The following LGSN variants were observed in gnomAD, a reference collection of about 807,000 sequenced individuals.
LGSN encodes the protein lengsin, lens protein with glutamine synthetase domain.
LGSN carries 21 observed loss-of-function variants against 19.5 expected under a neutral mutation model. That is an observed-to-expected ratio of 1.07 (90% CI 0.76 to 1.55). LGSN has a LOEUF of 1.55. Among genes scored for constraint, LGSN ranks in the 40% most tolerant of loss-of-function variants. LGSN has a pLI of 0.00. For missense variants in LGSN, 673 were observed against 608.5 expected (o/e 1.11, Z -1.12); for synonymous variants, 257 against 215.6 (o/e 1.19, Z -1.68).
At chr6:63,537,852 C>A in the LGSN span, among the ~76,000 whole-genome samples, 1 of 152,122 alleles carries the variant, frequency 6.6e-6, no homozygotes, top group African/African-American at 2.4e-5. Flanking sequence ...AAGAATCTGG[C>A]GAAAGGGCCA....
the LGSN span, among the ~76,000 whole-genome samples, chr6:63,349,283 G>A: frequency 3.0e-3 from 452 of 152,286 alleles, 3 homozygotes; most frequent in African/African-American, 0.01. Context: ...AATGTAAATT[G>A]TGAGAGTATT....
At chr6:63,412,517 A>AGAAAGAAG in the LGSN span, among the ~76,000 whole-genome samples, 1,154 of 100,776 alleles carry the variant, frequency 0.011, 3 homozygotes, top group East Asian at 0.024. Context: ...AAAGAAAGAA[A>AGAAAGAAG]GAAAGAAAGA....
the LGSN span, among the ~76,000 whole-genome samples, chr6:63,552,794 C>G: frequency 2.6e-5 from 4 of 152,132 alleles, no homozygotes; most frequent in African/African-American, 9.7e-5. Flanking sequence ...AATAGGGAAA[C>G]CTTTCCCCAT....
At chr6:63,512,370 A>G in the LGSN span, among the ~76,000 whole-genome samples, 1 of 152,228 alleles carries the variant, frequency 6.6e-6, no homozygotes, top group Non-Finnish European at 1.5e-5. Flanking sequence ...GGCATGAGCC[A>G]TGGAGCCAGC....
chr6:63,453,720 C>T, the LGSN span, among the ~76,000 whole-genome samples: 1 of 152,050 alleles, frequency 6.6e-6, no homozygotes, highest in Non-Finnish European at 1.5e-5. Context: ...GTGGCGGGAT[C>T]TCGGCTCACT....
the LGSN span, among the ~76,000 whole-genome samples, chr6:63,346,789 A>G: frequency 6.6e-6 from 1 of 152,062 alleles, no homozygotes; most frequent in Non-Finnish European, 1.5e-5. Context: ...GGAACTTTCG[A>G]GCTCACCCCA....
the LGSN span, chr6:63,550,627 G>GT: frequency 6.6e-6 from 1 of 152,390 alleles, no homozygotes; most frequent in Non-Finnish European, 1.5e-5. Flanking sequence ...TTGGTTGGTT[G>GT]GTTGGTTTTT....
chr6:63,501,362 CAA>C, the LGSN span, among the ~76,000 whole-genome samples: 197 of 133,888 alleles, frequency 1.5e-3, 1 homozygote, highest in African/African-American at 4.7e-3. Context: ...AACTTCGTCT[CAA>C]AAAAAAAAAA....
At chr6:63,327,438 G>A in the LGSN span, among the ~76,000 whole-genome samples, 5 of 152,226 alleles carry the variant, frequency 3.3e-5, no homozygotes, top group South Asian at 2.1e-4. Flanking sequence ...AACGCTGGGC[G>A]GCATCTCATG....
chr6:63,506,857 C>T, the LGSN span, among the ~76,000 whole-genome samples: 1 of 152,260 alleles, frequency 6.6e-6, no homozygotes, highest in Admixed American at 6.5e-5. Flanking sequence ...AAATATCTCA[C>T]TGAACATCTC....
the LGSN span, among the ~76,000 whole-genome samples, chr6:63,531,949 C>T: frequency 1.3e-5 from 2 of 152,026 alleles, no homozygotes; most frequent in Non-Finnish European, 2.9e-5. Flanking sequence ...TACAGGCATC[C>T]ACCACCATGG....
the LGSN span, among the ~76,000 whole-genome samples, chr6:63,442,138 G>A: frequency 6.6e-6 from 1 of 152,016 alleles, no homozygotes; most frequent in Admixed American, 6.6e-5. Flanking sequence ...CATGTCCGGA[G>A]TTGTTGGTCC....
the LGSN span, among the ~76,000 whole-genome samples, chr6:63,500,476 C>T: frequency 2.0e-5 from 3 of 151,952 alleles, no homozygotes; most frequent in Non-Finnish European, 4.4e-5. Context: ...GGCTGGAGTG[C>T]AATGGTGTGA....
At chr6:63,489,039 T>G in the LGSN span, among the ~76,000 whole-genome samples, 1 of 152,202 alleles carries the variant, frequency 6.6e-6, no homozygotes, top group East Asian at 1.9e-4. Flanking sequence ...TCAAAGCAGG[T>G]AAAATAATAT....
At chr6:63,342,221 C>T in the LGSN span, among the ~76,000 whole-genome samples, 1 of 152,184 alleles carries the variant, frequency 6.6e-6, no homozygotes, top group Admixed American at 6.5e-5. Flanking sequence ...ACTCTGCAAG[C>T]TGTTCAATGT....
the LGSN span, among the ~76,000 whole-genome samples, chr6:63,406,734 C>A: frequency 1.3e-5 from 2 of 151,676 alleles, no homozygotes; most frequent in Non-Finnish European, 2.9e-5. Flanking sequence ...TTAATGAATC[C>A]AGGAGCTGGT....
chr6:63,323,770 A>ACTCT (rs1327654464), upstream of LGSN, among the ~76,000 whole-genome samples: 19 of 144,196 alleles, frequency 1.3e-4, no homozygotes, highest in African/African-American at 4.7e-4. Context: ...ATGTTTTTGC[A>ACTCT]TTCTTTTTTT....
chr6:63,551,215 G>A, the LGSN span, among the ~76,000 whole-genome samples: 217 of 151,922 alleles, frequency 1.4e-3, no homozygotes, highest in Middle Eastern at 0.01. Context: ...ACAGGGGCGC[G>A]CCACCACACC....
intron 1 of LGSN, among the ~76,000 whole-genome samples, chr6:63,304,741 A>G (rs562884247): frequency 4.6e-5 from 7 of 152,178 alleles, no homozygotes; most frequent in Non-Finnish European, 8.8e-5. Flanking sequence ...TCACAATAGT[A>G]TTCTCCCTGG....
Sources: gnomAD v4.1 joint callset for allele counts (sites outside exome capture counted in the v4.1 genomes callset) on GRCh38, gnomAD v4.1.1 for gene constraint, MANE v1.5 for transcripts, NCBI Gene and HGNC (gene_info 2026-07-23, HGNC 2026-07-21) for gene names.